The following PTPRN2 variants were observed in gnomAD, a reference collection of about 807,000 sequenced individuals.
The protein encoded by PTPRN2 is receptor-type tyrosine-protein phosphatase N2.
A neutral mutation model predicts 118.8 loss-of-function variants in PTPRN2; 74 were observed. The ratio of observed to expected loss-of-function variants is 0.62; its 90% CI spans 0.52 to 0.76. The LOEUF is 0.76. PTPRN2 is among the 30% of genes least tolerant of loss of function. PTPRN2 has a pLI of 0.00. For synonymous variants in PTPRN2, 641 were observed against 608.0 expected, an observed-to-expected ratio of 1.05 and a Z score of -0.80; for missense variants, 1,481 against 1,394.4, an observed-to-expected ratio of 1.06 and a Z score of -0.99.
chr7:158,024,926 G>A (rs1440994273), intron 11 of PTPRN2, among the ~76,000 whole-genome samples: 2 of 152,176 alleles, frequency 1.3e-5, no homozygotes, highest in African/African-American at 4.8e-5. Context: ...AAACAGAAAC[G>A]AAAAGATTGA....
intron 11 of PTPRN2, among the ~76,000 whole-genome samples, chr7:157,906,511 C>G (rs148155993): frequency 6.6e-6 from 1 of 152,218 alleles, no homozygotes; most frequent in Non-Finnish European, 1.5e-5. Flanking sequence ...CACCTTCCCT[C>G]GGAGTGGACA....
intron 1 of PTPRN2, among the ~76,000 whole-genome samples, chr7:158,503,899 G>T (rs550689857): frequency 6.6e-6 from 1 of 151,872 alleles, no homozygotes; most frequent in Non-Finnish European, 1.5e-5. Flanking sequence ...TACTTGGGGG[G>T]CCAAGGCAGG....
At chr7:157,661,586 C>A in intron 13 of PTPRN2, among the ~76,000 whole-genome samples, 1 of 151,884 alleles carries the variant, frequency 6.6e-6, no homozygotes, top group East Asian at 1.9e-4. Flanking sequence ...GAATGGCCTG[C>A]AGGGAGGAAT....
intron 11 of PTPRN2, among the ~76,000 whole-genome samples, chr7:157,951,937 C>T (rs2128801543): frequency 1.3e-5 from 2 of 152,292 alleles, no homozygotes; most frequent in Middle Eastern, 6.8e-3. Context: ...ACTCCTGCTG[C>T]ACCTGCCACA....
chr7:158,517,146 G>A lies in PTPRN2; in HGVS notation c.113-27361C>T, dbSNP rs562648274. On this transcript the variant is annotated intron_variant, in intron 1 of 22. Transcript: ENST00000389418. This position sits in a 1 kb window ranked among gnomAD's most constrained non-coding sequence, Gnocchi z 5.3. ...GGCCAGCAGGACAGAACAGTACAAC[G>A]CTGGTTCCACAGTGTGGTCCTCACT... Among the ~76,000 whole-genome samples the A allele has an allele frequency of 7.9e-5, 12 of 152,216 alleles. No homozygotes were observed. Among genetic ancestry groups the A allele is most frequent in the South Asian group, 2.1e-4 (1 of 4,824 alleles).
intron 13 of PTPRN2, among the ~76,000 whole-genome samples, chr7:157,661,102 G>GGGTGGCTCAGTGCCC (rs1795862165): frequency 6.6e-6 from 1 of 152,254 alleles, no homozygotes; most frequent in Non-Finnish European, 1.5e-5. Flanking sequence ...CTCCTCCGGC[G>GGGTGGCTCAGTGCCC]GGTGGCTCAG....
chr7:158,022,766 C>A lies in PTPRN2; in HGVS notation c.1723+58532G>T, dbSNP rs578053348. On this transcript the variant is annotated intron_variant, in intron 11 of 22. Coordinates refer to ENST00000389418, the MANE Select transcript of PTPRN2 (RefSeq NM_002847.5). The surrounding 1 kb of genome is among the most constrained non-coding windows in gnomAD (Gnocchi z 4.6). ...GAAGGCTTTCCCCCACGGAGGCTTCCGCCATGAGTCTGGAATGCGTTCTGA... is the reference window on the plus strand; with the variant it reads ...GAAGGCTTTCCCCCACGGAGGCTTCAGCCATGAGTCTGGAATGCGTTCTGA... 6.6e-6 allele frequency among the ~76,000 whole-genome samples: 1 copy of A among 152,284 alleles called. No homozygotes were observed. The highest frequency in any genetic ancestry group is 2.4e-5 in the African/African-American group (1 of 41,478).
At chr7:157,548,605 A>G (rs537072102) in intron 22 of PTPRN2, among the ~76,000 whole-genome samples, 8 of 152,338 alleles carry the variant, frequency 5.3e-5, no homozygotes, top group African/African-American at 1.9e-4. Flanking sequence ...AGCTCAGAAC[A>G]TCCTCCTGAG....
At chr7:158,274,166 G>A (rs113498806) in intron 3 of PTPRN2, among the ~76,000 whole-genome samples, 8 of 104,608 alleles carry the variant, frequency 7.6e-5, no homozygotes, top group African/African-American at 2.0e-4. Flanking sequence ...AGGGGGAGCC[G>A]CAGACACAGG....
At chr7:157,670,646 A>T (rs1796363187) in intron 13 of PTPRN2, among the ~76,000 whole-genome samples, 1 of 152,138 alleles carries the variant, frequency 6.6e-6, no homozygotes, top group Non-Finnish European at 1.5e-5. Flanking sequence ...CGTTGGTGAG[A>T]CAAATCCCTC....
chr7:157,850,196 A>C (rs73165867), intron 12 of PTPRN2, among the ~76,000 whole-genome samples: 9,703 of 152,036 alleles, frequency 0.064, 360 homozygotes, highest in African/African-American at 0.084. Context: ...GGGGAGAAAC[A>C]TGATGTGGTC....
chr7:158,153,795 G>A (rs13239530), intron 6 of PTPRN2, among the ~76,000 whole-genome samples: 93,209 of 151,662 alleles, frequency 0.61, 29,696 homozygotes, highest in East Asian at 0.78. Flanking sequence ...CTGAGACAAG[G>A]TCAGAGGCAG....
chr7:157,817,775 C>T (rs541236116), intron 12 of PTPRN2, among the ~76,000 whole-genome samples: 67 of 152,054 alleles, frequency 4.4e-4, no homozygotes, highest in African/African-American at 1.5e-3. Flanking sequence ...GTGTGAGAGA[C>T]GTGTGTGATG....
At chr7:157,576,490 C>T (rs193134627) in intron 19 of PTPRN2, 123 bp downstream of exon 19, 6 of 1,044,706 alleles carry the variant, frequency 5.7e-6, no homozygotes, top group Non-Finnish European at 8.0e-6. Context: ...CTTCCCCTCC[C>T]CCCTGCGGCG....
intron 20 of PTPRN2, among the ~76,000 whole-genome samples, chr7:157,569,871 C>T (rs575006119): frequency 2.9e-4 from 44 of 152,318 alleles, no homozygotes; most frequent in African/African-American, 8.9e-4. Context: ...TGTGACTTTC[C>T]GGAAAACGAA....
At chr7:157,670,526 G>A (rs1796357518) in intron 13 of PTPRN2, among the ~76,000 whole-genome samples, 1 of 152,142 alleles carries the variant, frequency 6.6e-6, no homozygotes, top group Admixed American at 6.5e-5. Flanking sequence ...CCATAAAGGT[G>A]GCATCTTAGA....
chr7:157,911,086 G>A (rs879721462), intron 11 of PTPRN2, among the ~76,000 whole-genome samples: 1 of 152,204 alleles, frequency 6.6e-6, no homozygotes, highest in Non-Finnish European at 1.5e-5. Flanking sequence ...TGGCGGTGAG[G>A]CCAAAGGCAC....
At chr7:158,355,796 C>T (rs1042569018) in intron 2 of PTPRN2, among the ~76,000 whole-genome samples, 7 of 152,216 alleles carry the variant, frequency 4.6e-5, no homozygotes, top group Non-Finnish European at 7.3e-5. Flanking sequence ...AGGGGAAGAG[C>T]GTGAGCGTGA....
intron 3 of PTPRN2, among the ~76,000 whole-genome samples, chr7:158,245,462 C>CCATCTCCACGCACTT (rs1181526353): frequency 3.0e-4 from 45 of 152,226 alleles, no homozygotes; most frequent in African/African-American, 1.0e-3. Flanking sequence ...CCATCAGAAG[C>CCATCTCCACGCACTT]CATCTCCACG....
Sources: allele counts gnomAD v4.1 joint callset (sites outside exome capture counted in the v4.1 genomes callset), GRCh38; gene constraint gnomAD v4.1.1; non-coding constraint Gnocchi (gnomAD v3.1); transcripts MANE v1.5; gene names NCBI Gene and HGNC (gene_info 2026-07-23, HGNC 2026-07-21).